STXBP4: variants seen among roughly 807,000 people sequenced by gnomAD.
The protein encoded by STXBP4 is syntaxin-binding protein 4.
In STXBP4, 55 loss-of-function variants were observed where a neutral mutation model predicts 76.1. That is an observed-to-expected ratio of 0.72 (90% CI 0.58 to 0.91). The LOEUF (loss-of-function observed/expected upper bound fraction) is 0.91. Ranked by LOEUF, STXBP4 falls within the 40% of genes least tolerant of loss-of-function variation. The probability of loss-of-function intolerance (pLI) is 0.00; values close to 1 mark genes in which losing one functional copy is unlikely to be tolerated. For synonymous variants in STXBP4, 201 were observed against 220.2 expected (o/e 0.91, Z 0.77); for missense variants, 618 against 636.9 (o/e 0.97, Z 0.32).
intron 16 of STXBP4, among the ~76,000 whole-genome samples, chr17:55,109,147 G>A (rs2079677131): frequency 6.6e-6 from 1 of 152,064 alleles, no homozygotes; most frequent in South Asian, 2.1e-4. Flanking sequence ...TTTTTTAAAA[G>A]TGAATTGAAA....
At chr17:55,086,076 A>C (rs894819228) in intron 16 of STXBP4, among the ~76,000 whole-genome samples, 3 of 152,166 alleles carry the variant, frequency 2.0e-5, no homozygotes, top group Non-Finnish European at 4.4e-5. Context: ...TATCTTGCTA[A>C]CATTAACTTC....
intron 16 of STXBP4, among the ~76,000 whole-genome samples, chr17:55,131,771 C>T (rs1567775956): frequency 6.6e-6 from 1 of 152,092 alleles, no homozygotes; most frequent in Admixed American, 6.5e-5. Flanking sequence ...CCCCACCCAC[C>T]CCTGCCTTAA....
intron 16 of STXBP4, among the ~76,000 whole-genome samples, chr17:55,095,276 T>G (rs1203152006): frequency 6.6e-6 from 1 of 152,188 alleles, no homozygotes; most frequent in Non-Finnish European, 1.5e-5. Flanking sequence ...AAACTCTGAT[T>G]CCTTTCACAA....
chr17:55,028,399 A>G (rs1275622619), intron 8 of STXBP4, among the ~76,000 whole-genome samples: 1 of 152,210 alleles, frequency 6.6e-6, no homozygotes, highest in Non-Finnish European at 1.5e-5. Context: ...TATATTGATA[A>G]TTATTAACAC....
intron 1 of STXBP4, among the ~76,000 whole-genome samples, chr17:54,973,208 G>A (rs1221507344): frequency 1.3e-5 from 2 of 152,162 alleles, no homozygotes; most frequent in African/African-American, 4.8e-5. Flanking sequence ...CTAATCGGTT[G>A]GGTAGTGGCA....
chr17:54,990,084 A>G (rs545337631), intron 3 of STXBP4, among the ~76,000 whole-genome samples: 1 of 152,340 alleles, frequency 6.6e-6, no homozygotes, highest in South Asian at 2.1e-4. Flanking sequence ...AATAAGCATT[A>G]TCATTGTAAA....
At chr17:55,023,288 C>T (rs2078347638) in intron 8 of STXBP4, among the ~76,000 whole-genome samples, 1 of 152,162 alleles carries the variant, frequency 6.6e-6, no homozygotes, top group South Asian at 2.1e-4. Flanking sequence ...TTGAGTCTCC[C>T]TTATCCAAAA....
the STXBP4 span, among the ~76,000 whole-genome samples, chr17:55,199,519 G>A: frequency 2.6e-5 from 4 of 152,138 alleles, no homozygotes; most frequent in Non-Finnish European, 5.9e-5. Context: ...CACTACAAAT[G>A]GAAGATGGAG....
intron 8 of STXBP4, 132 bp from the exon 9 acceptor site, chr17:55,031,036 T>C: frequency 3.2e-6 from 2 of 627,042 alleles, no homozygotes; most frequent in Non-Finnish European, 5.5e-6. Flanking sequence ...AGAGCTGACT[T>C]CCCTTGGGTG....
intron 1 of STXBP4, among the ~76,000 whole-genome samples, chr17:54,983,616 CT>C (rs386386297): frequency 1.3e-5 from 2 of 150,124 alleles, no homozygotes; most frequent in African/African-American, 2.4e-5. Flanking sequence ...CATTTCTTTT[CT>C]TTTTTTTTTA....
intron 7 of STXBP4, among the ~76,000 whole-genome samples, chr17:55,003,610 A>G (rs1431745954): frequency 1.3e-5 from 2 of 152,242 alleles, no homozygotes; most frequent in African/African-American, 4.8e-5. Flanking sequence ...TACAAAAAAT[A>G]TAAACAAATT....
At chr17:55,095,934 G>T (rs2079478955) in intron 16 of STXBP4, among the ~76,000 whole-genome samples, 1 of 152,040 alleles carries the variant, frequency 6.6e-6, no homozygotes, top group Admixed American at 6.6e-5. Context: ...AATTGAACTG[G>T]TAATTATTTT....
At chr17:55,101,107 A>G (rs2079558442) in intron 16 of STXBP4, among the ~76,000 whole-genome samples, 1 of 152,180 alleles carries the variant, frequency 6.6e-6, no homozygotes, top group South Asian at 2.1e-4. Flanking sequence ...ATGCTGCTAT[A>G]TGTGTGGTAG....
chr17:55,003,055 A>G (rs1345477267), intron 7 of STXBP4, among the ~76,000 whole-genome samples: 1 of 152,212 alleles, frequency 6.6e-6, no homozygotes, highest in Non-Finnish European at 1.5e-5. Context: ...GAAATTAAGA[A>G]AAATTTCTTG....
intron 12 of STXBP4, among the ~76,000 whole-genome samples, chr17:55,069,153 CAAA>C (rs991465831): frequency 2.8e-4 from 21 of 75,814 alleles, no homozygotes; most frequent in African/African-American, 7.2e-4. Context: ...TCAGTGTTGC[CAAA>C]AAAAAAAAAA....
intron 16 of STXBP4, among the ~76,000 whole-genome samples, chr17:55,119,623 T>A (rs992216133): frequency 2.0e-5 from 3 of 151,964 alleles, no homozygotes; most frequent in African/African-American, 7.2e-5. Context: ...TAAAAAAGAT[T>A]GGAAAATGAA....
At chr17:54,971,330 G>T (rs1300357847) in intron 1 of STXBP4, among the ~76,000 whole-genome samples, 1 of 152,198 alleles carries the variant, frequency 6.6e-6, no homozygotes, top group African/African-American at 2.4e-5. Context: ...AGAAATACTT[G>T]TTTCTCAAAG....
At chr17:55,188,222 G>A in the STXBP4 span, among the ~76,000 whole-genome samples, 8 of 152,292 alleles carry the variant, frequency 5.3e-5, no homozygotes, top group Non-Finnish European at 1.2e-4. Flanking sequence ...GCAGAATAAG[G>A]TCAGCACTGG....
chr17:55,029,539 G>T, intron 8 of STXBP4, among the ~76,000 whole-genome samples: 1 of 150,420 alleles, frequency 6.6e-6, no homozygotes. Context: ...TATAACTGAA[G>T]AGAAAAAAAT....
Sources: gnomAD v4.1 joint callset for allele counts (sites outside exome capture counted in the v4.1 genomes callset) on GRCh38, gnomAD v4.1.1 for gene constraint, MANE v1.5 for transcripts, NCBI Gene and HGNC (gene_info 2026-07-23, HGNC 2026-07-21) for gene names.